CNKSR2: variants seen among roughly 807,000 people sequenced by gnomAD.
CNKSR2 encodes connector enhancer of kinase suppressor of Ras 2, also known as CNK homolog protein 2.
CNKSR2 carries 14 observed loss-of-function variants against 84.4 expected under a neutral mutation model. The ratio of observed to expected loss-of-function variants is 0.17; its 90% confidence interval spans 0.11 to 0.26. The LOEUF (loss-of-function observed/expected upper bound fraction) is 0.26. Ranked by LOEUF, CNKSR2 falls within the 10% of genes least tolerant of loss-of-function variation. CNKSR2 has a pLI of 1.00. For synonymous variants in CNKSR2, 275 were observed against 277.9 expected, an observed-to-expected ratio of 0.99 and a Z score of 0.10; for missense variants, 485 against 771.2, an observed-to-expected ratio of 0.63 and a Z score of 4.40.
chrX:21,412,864 A>T (rs1217964625), intron 1 of CNKSR2, among the ~76,000 whole-genome samples: 5 of 111,658 alleles, frequency 4.5e-5, no homozygotes, highest in Admixed American at 9.5e-5. Context: ...GATAACATAA[A>T]ATTTGCCATT....
At chrX:21,436,865 C>A (rs1335168187) in intron 3 of CNKSR2, among the ~76,000 whole-genome samples, 2 of 110,982 alleles carry the variant, frequency 1.8e-5, no homozygotes, top group Non-Finnish European at 3.8e-5. Flanking sequence ...GACCTTTTAC[C>A]CTTATTTATA....
chrX:21,559,539 G>A (rs772582349), intron 11 of CNKSR2, among the ~76,000 whole-genome samples: 2 of 111,377 alleles, frequency 1.8e-5, no homozygotes, highest in South Asian at 3.8e-4. Flanking sequence ...ATGAACAAAG[G>A]GTCGGTCTGA....
At chrX:21,547,318 G>T (rs1173381458) in intron 11 of CNKSR2, among the ~76,000 whole-genome samples, 1 of 111,252 alleles carries the variant, frequency 9.0e-6, no homozygotes, top group Non-Finnish European at 1.9e-5. Flanking sequence ...AAGCAACAAA[G>T]ATCAAAAAAG....
At chrX:21,606,484 G>A (rs749732409) in intron 18 of CNKSR2, 39 of 201,167 alleles carry the variant, frequency 1.9e-4, no homozygotes, top group Non-Finnish European at 3.4e-4. Flanking sequence ...GAAATCTGAG[G>A]TACCCTAAAC....
chrX:21,455,004 A>G (rs906142259), intron 4 of CNKSR2, among the ~76,000 whole-genome samples: 8 of 111,863 alleles, frequency 7.2e-5, no homozygotes, highest in Non-Finnish European at 1.1e-4. Context: ...CAGTTTATCT[A>G]TGGCTATAGA....
At chrX:21,471,613 C>G (rs1390530215) in intron 5 of CNKSR2, among the ~76,000 whole-genome samples, 1 of 112,254 alleles carries the variant, frequency 8.9e-6, no homozygotes, top group African/African-American at 3.2e-5. Flanking sequence ...AAAGGAAATA[C>G]TTTTAAAACA....
chrX:21,582,106 T>G (rs1321720936), intron 13 of CNKSR2, among the ~76,000 whole-genome samples: 1 of 111,705 alleles, frequency 9.0e-6, no homozygotes, highest in Non-Finnish European at 1.9e-5. Flanking sequence ...TTATCGTACC[T>G]TAATTTCTGT....
At chrX:21,436,209 G>A (rs1480479374) in intron 3 of CNKSR2, among the ~76,000 whole-genome samples, 1 of 111,443 alleles carries the variant, frequency 9.0e-6, no homozygotes, top group Non-Finnish European at 1.9e-5. Flanking sequence ...CAAGGGAAGA[G>A]CAGTGACATT....
chrX:21,475,069 A>AT (rs766506891), intron 5 of CNKSR2, among the ~76,000 whole-genome samples: 1 of 112,210 alleles, frequency 8.9e-6, no homozygotes, highest in Non-Finnish European at 1.9e-5. Context: ...CAAAATCTAG[A>AT]TTAAAAATGA....
chrX:21,451,356 C>G (rs2090925885), intron 4 of CNKSR2, among the ~76,000 whole-genome samples: 1 of 110,923 alleles, frequency 9.0e-6, no homozygotes, highest in African/African-American at 3.3e-5. Context: ...GGGTATATAT[C>G]CAAAGGACTA....
chrX:21,443,213 A>G (rs933073241), intron 4 of CNKSR2, among the ~76,000 whole-genome samples: 9 of 111,752 alleles, frequency 8.1e-5, no homozygotes, highest in African/African-American at 2.6e-4. Flanking sequence ...AAAGATGAAA[A>G]TAATATTATT....
intron 4 of CNKSR2, among the ~76,000 whole-genome samples, chrX:21,450,691 G>A (rs765843899): frequency 9.1e-4 from 101 of 111,546 alleles, no homozygotes; most frequent in Non-Finnish European, 1.7e-3. Flanking sequence ...GGGAAAAAAT[G>A]CCTCCCATTG....
intron 1 of CNKSR2, among the ~76,000 whole-genome samples, chrX:21,417,150 C>T (rs1410117964): frequency 1.8e-5 from 2 of 111,650 alleles, no homozygotes; most frequent in Non-Finnish European, 3.8e-5. Flanking sequence ...TTTTCAATTT[C>T]CTTCCTAATT....
At position 21,654,152 on chromosome X, in the gene CNKSR2, T is replaced by G. The variant is rs754376717; in HGVS notation, c.*1631T>G. 1 of 109,277 alleles carries G rather than the reference T, an allele frequency of 9.2e-6. No homozygotes were observed. Among genetic ancestry groups the G allele is most frequent in the South Asian group, 4.0e-4 (1 of 2,511 alleles). 9.0% of individuals were successfully genotyped at this position (109,277 alleles called of 1,213,427 possible). A position where few individuals can be genotyped will look rare whatever the true frequency, so the allele number is the denominator to read the frequency against. ...TGGATGAGAAATCATGTATTAATGT[T>G]TGTATGGAATTTTGGGTCCAGTGTA... On this transcript the variant is annotated 3_prime_UTR_variant, in exon 22 of 22. Coordinates refer to ENST00000379510, the MANE Select transcript of CNKSR2 (RefSeq NM_014927.5).
intron 10 of CNKSR2, among the ~76,000 whole-genome samples, chrX:21,527,396 T>A (rs902142767): frequency 2.7e-5 from 3 of 110,353 alleles, no homozygotes; most frequent in East Asian, 5.7e-4. Context: ...ATAGATAACT[T>A]TTATGCTTTC....
At chrX:21,519,179 A>G (rs2091757948) in intron 9 of CNKSR2, among the ~76,000 whole-genome samples, 1 of 111,520 alleles carries the variant, frequency 9.0e-6, no homozygotes, top group Admixed American at 9.6e-5. Flanking sequence ...GAACCATTAC[A>G]GAATTCTTCA....
intron 11 of CNKSR2, among the ~76,000 whole-genome samples, chrX:21,543,819 C>CTTTTCTTT (rs1569232188): frequency 9.0e-6 from 1 of 110,530 alleles, no homozygotes; most frequent in African/African-American, 3.3e-5. Context: ...TTTTTCTTTT[C>CTTTTCTTT]TTTTCTTTTT....
At chrX:21,568,145 G>A (rs1181261423) in intron 13 of CNKSR2, among the ~76,000 whole-genome samples, 4 of 110,671 alleles carry the variant, frequency 3.6e-5, no homozygotes, top group South Asian at 7.7e-4. Flanking sequence ...AAAATTAGCT[G>A]GATGTGGTAG....
chrX:21,559,136 C>T (rs1274513042), intron 11 of CNKSR2, among the ~76,000 whole-genome samples: 1 of 111,066 alleles, frequency 9.0e-6, no homozygotes, highest in African/African-American at 3.3e-5. Flanking sequence ...TGACCTGGAT[C>T]TATAGATGGC....
Sources: gnomAD v4.1 joint callset for allele counts (sites outside exome capture counted in the v4.1 genomes callset) on GRCh38, gnomAD v4.1.1 for gene constraint, MANE v1.5 for transcripts, NCBI Gene and HGNC (gene_info 2026-07-23, HGNC 2026-07-21) for gene names.